AGBL2: variants seen among roughly 807,000 people sequenced by gnomAD.
AGBL2 encodes AGBL carboxypeptidase 2.
Under a neutral mutation model 103.0 loss-of-function variants are expected in AGBL2, and 87 were observed. The observed-to-expected ratio is 0.84, with a 90% confidence interval of 0.71 to 1.01. AGBL2 has a LOEUF of 1.01. AGBL2 is among the 50% of genes least tolerant of loss of function. AGBL2 has a pLI of 0.00. For synonymous variants in AGBL2, 335 were observed against 356.7 expected (o/e 0.94, Z 0.69); for missense variants, 904 against 1,023.5 (o/e 0.88, Z 1.59).
At chr11:47,691,097 T>C (rs551940134) in intron 9 of AGBL2, among the ~76,000 whole-genome samples, 32 of 20,022 alleles carry the variant, frequency 1.6e-3, no homozygotes, top group Admixed American at 9.6e-3. Flanking sequence ...CTACTAAATA[T>C]ACAAAAAAAA....
In AGBL2 at chr11:47,705,856, T is replaced by C. The variant is rs1176591719; in HGVS notation, c.286+8A>G. 2.5e-6 allele frequency: 4 copies of C among 1,613,534 alleles called. No individual in the cohort carries two copies. The highest frequency in any genetic ancestry group is 3.4e-6 in the Non-Finnish European group (4 of 1,179,538). On this transcript the variant is annotated splice_region_variant and intron_variant, in intron 5 of 18. Transcript: ENST00000525123. ...TTGAATCTTCTGGTCTGGAAGGACA[T>C]GAAATACCTCTGTTGATGGCTTCTA...
intron 10 of AGBL2, among the ~76,000 whole-genome samples, chr11:47,687,580 C>T (rs2097429006): frequency 2.6e-5 from 4 of 151,736 alleles, no homozygotes; most frequent in Admixed American, 2.6e-4. Flanking sequence ...GGCACCTCCC[C>T]TACACTTATT....
chr11:47,664,666 C>T (rs556892354), intron 17 of AGBL2, among the ~76,000 whole-genome samples: 230 of 152,252 alleles, frequency 1.5e-3, no homozygotes, highest in Middle Eastern at 3.4e-3. Context: ...CTGCCTCAGC[C>T]TCCCAAAGTG....
At chr11:47,707,225 C>T (rs552493603) in intron 4 of AGBL2, among the ~76,000 whole-genome samples, 15 of 151,888 alleles carry the variant, frequency 9.9e-5, no homozygotes, top group South Asian at 2.1e-4. Flanking sequence ...TGTAAGCAAA[C>T]GTATAAGATA....
chr11:47,670,971 G>A (rs2097355541), intron 14 of AGBL2, among the ~76,000 whole-genome samples: 1 of 151,586 alleles, frequency 6.6e-6, no homozygotes, highest in Non-Finnish European at 1.5e-5. Flanking sequence ...TCTAGCCTGG[G>A]CGACAGAGCG....
intron 14 of AGBL2, among the ~76,000 whole-genome samples, chr11:47,671,213 C>T (rs1056931579): frequency 6.6e-6 from 1 of 151,990 alleles, no homozygotes; most frequent in African/African-American, 2.4e-5. Context: ...GGGGTCTATA[C>T]ACACAGTTTA....
At chr11:47,698,209 T>A (rs953867343) in intron 8 of AGBL2, among the ~76,000 whole-genome samples, 1 of 145,888 alleles carries the variant, frequency 6.9e-6, no homozygotes, top group African/African-American at 2.6e-5. Context: ...GTTTCACTCT[T>A]GTTGCCCAGG....
chr11:47,676,758 G>C (rs1237323329), intron 14 of AGBL2, among the ~76,000 whole-genome samples: 2 of 149,988 alleles, frequency 1.3e-5, no homozygotes, highest in East Asian at 3.9e-4. Context: ...GGCGGAGCTT[G>C]CGGTGAGTGG....
intron 14 of AGBL2, among the ~76,000 whole-genome samples, chr11:47,673,147 C>T (rs4539273): frequency 0.59 from 90,285 of 152,036 alleles, 27,149 homozygotes; most frequent in Admixed American, 0.65. Context: ...GAAAAGATCT[C>T]TGACTTTGCA....
chr11:47,691,131 G>T (rs2097443677), intron 9 of AGBL2, among the ~76,000 whole-genome samples: 2 of 151,304 alleles, frequency 1.3e-5, no homozygotes, highest in Admixed American at 1.3e-4. Context: ...AGGTGTGGTG[G>T]CGGGTGCCTG....
intron 14 of AGBL2, among the ~76,000 whole-genome samples, chr11:47,671,555 A>G (rs2097357629): frequency 6.6e-6 from 1 of 151,946 alleles, no homozygotes; most frequent in South Asian, 2.1e-4. Flanking sequence ...CAAACAAACA[A>G]AAAACACTTA....
intron 7 of AGBL2, among the ~76,000 whole-genome samples, chr11:47,699,755 A>G (rs560941207): frequency 6.6e-6 from 1 of 152,270 alleles, no homozygotes; most frequent in South Asian, 2.1e-4. Context: ...CACTTTTAAC[A>G]AAGAGCATAT....
intron 17 of AGBL2, among the ~76,000 whole-genome samples, chr11:47,666,234 A>G (rs377097031): frequency 2.1e-4 from 32 of 151,710 alleles, no homozygotes; most frequent in African/African-American, 7.5e-4. Context: ...TCTCTACTAA[A>G]AATACAAAAA....
chr11:47,714,380 A>T, intron 2 of AGBL2, 33 bp from the exon 3 acceptor site: 2 of 1,596,056 alleles, frequency 1.3e-6, no homozygotes, highest in South Asian at 2.2e-5. Flanking sequence ...AATCAAGATA[A>T]TGTTTTCAAA....
At chr11:47,713,889 G>T (rs555670117) in intron 3 of AGBL2, among the ~76,000 whole-genome samples, 1 of 151,818 alleles carries the variant, frequency 6.6e-6, no homozygotes, top group Non-Finnish European at 1.5e-5. Context: ...GTGCCCGGCC[G>T]CCAATTGTAA....
In AGBL2 at chr11:47,682,059, AT is replaced by A. The variant is rs1323276424; in HGVS notation, c.1824del (p.Lys608AsnfsTer17). 4 of 1,614,134 alleles carry A rather than the reference AT, an allele frequency of 2.5e-6. 1 individual carries two copies. In the South Asian group the frequency reaches 4.4e-5, roughly 18 times the overall value. On this transcript the variant is annotated frameshift_variant, in exon 12 of 19. Coordinates refer to ENST00000525123, the MANE Select transcript of AGBL2 (RefSeq NM_024783.4). LOFTEE classifies it high-confidence loss of function. The stretch of plus-strand genomic sequence containing the variant: ...ACAACTCGTCCTGTTCCTTCTTTGC[AT>A]TTTTGGACCTTAAAATTACAACTGT... ...SFHSCNFKVQKCKEGTGRVVM... is the reference protein window; with the variant it reads ...SFHSCNFKVQXCKEGTGRVVM...
At chr11:47,698,168 A>C (rs1304830907) in intron 8 of AGBL2, among the ~76,000 whole-genome samples, 1 of 79,836 alleles carries the variant, frequency 1.3e-5, no homozygotes, top group African/African-American at 5.4e-5. Flanking sequence ...AGTCTACATA[A>C]TTTTTTTTTT....
At chr11:47,699,903 T>A (rs892995335) in intron 7 of AGBL2, among the ~76,000 whole-genome samples, 2 of 152,154 alleles carry the variant, frequency 1.3e-5, no homozygotes, top group Admixed American at 1.3e-4. Flanking sequence ...TAATTTTTTT[T>A]ATTACCATAG....
chr11:47,664,525 C>T (rs897070594), intron 17 of AGBL2, among the ~76,000 whole-genome samples: 11 of 151,784 alleles, frequency 7.2e-5, no homozygotes, highest in African/African-American at 2.2e-4. Context: ...GATTGTCCTG[C>T]CTCAGCCTCC....
Sources: gnomAD v4.1 joint callset for allele counts (sites outside exome capture counted in the v4.1 genomes callset) on GRCh38, gnomAD v4.1.1 for gene constraint, MANE v1.5 for transcripts, NCBI Gene and HGNC (gene_info 2026-07-23, HGNC 2026-07-21) for gene names.